The following PLCB1 variants were observed in gnomAD, a reference collection of about 807,000 sequenced individuals.
PLCB1 encodes 1-phosphatidylinositol 4,5-bisphosphate phosphodiesterase beta-1.
Under a neutral mutation model 161.8 loss-of-function variants are expected in PLCB1, and 46 were observed. The ratio of observed to expected loss-of-function variants is 0.28; its 90% CI spans 0.22 to 0.36. The LOEUF (loss-of-function observed/expected upper bound fraction) is 0.36, where lower values mean the gene tolerates loss of function less well. Among genes scored for constraint, PLCB1 ranks in the 10% least tolerant of loss-of-function variants. PLCB1 has a pLI of 1.00. For synonymous variants in PLCB1, 517 were observed against 503.7 expected (o/e 1.03, Z -0.35); for missense variants, 1,016 against 1,472.5 (o/e 0.69, Z 5.07).
At position 8,477,771 on chromosome 20, in the gene PLCB1, C is replaced by T. The variant is rs114663210; in HGVS notation, c.246+106321C>T. On this transcript the variant is annotated intron_variant, in intron 3 of 31. Transcript: ENST00000338037. ...CATGAACTAATTGTGCAAGAACTCA[C>T]TCATCACCAGGGCGATGGCGCCAAG... Among the ~76,000 whole-genome samples the T allele has an allele frequency of 8.3e-3, 1,260 of 152,312 alleles. 17 individuals carry two copies. Among genetic ancestry groups the T allele is most frequent in the African/African-American group, 0.028 (1,179 of 41,574 alleles).
intron 31 of PLCB1, among the ~76,000 whole-genome samples, chr20:8,866,303 T>C (rs1399604644): frequency 6.6e-6 from 1 of 152,230 alleles, no homozygotes; most frequent in Non-Finnish European, 1.5e-5. Flanking sequence ...TTCCCAGTGA[T>C]AGTTGCCTTG....
At chr20:8,267,991 A>C (rs1238078856) in intron 2 of PLCB1, among the ~76,000 whole-genome samples, 1 of 123,058 alleles carries the variant, frequency 8.1e-6, no homozygotes, top group Non-Finnish European at 1.8e-5. Context: ...TTATACTTTA[A>C]GTTCTAGGGT....
At chr20:8,404,542 A>T (rs974429058) in intron 3 of PLCB1, among the ~76,000 whole-genome samples, 3 of 152,230 alleles carry the variant, frequency 2.0e-5, no homozygotes, top group Non-Finnish European at 4.4e-5. Context: ...GAGAAGCAGG[A>T]TGTCAAGCTC....
intron 3 of PLCB1, among the ~76,000 whole-genome samples, chr20:8,398,510 C>A (rs902473768): frequency 3.9e-5 from 6 of 152,134 alleles, no homozygotes; most frequent in Non-Finnish European, 5.9e-5. Context: ...TGAGGGCCCA[C>A]TTCTTGGTTT....
chr20:8,189,578 CAT>C (rs2051943886), intron 2 of PLCB1, among the ~76,000 whole-genome samples: 1 of 151,928 alleles, frequency 6.6e-6, no homozygotes, highest in African/African-American at 2.4e-5. Context: ...TTTATCTAGT[CAT>C]AGAAAACACA....
At chr20:8,243,037 C>T (rs909314817) in intron 2 of PLCB1, among the ~76,000 whole-genome samples, 28 of 151,946 alleles carry the variant, frequency 1.8e-4, no homozygotes, top group South Asian at 6.2e-4. Flanking sequence ...TGCATCGTTA[C>T]GGGCATGCTA....
intron 2 of PLCB1, among the ~76,000 whole-genome samples, chr20:8,201,308 G>T (rs924610266): frequency 8.6e-5 from 13 of 151,848 alleles, no homozygotes; most frequent in Admixed American, 8.5e-4. Flanking sequence ...CTTATATTTT[G>T]AAATATTGTG....
chr20:8,287,930 G>C (rs1030285952), intron 2 of PLCB1, among the ~76,000 whole-genome samples: 1 of 152,116 alleles, frequency 6.6e-6, no homozygotes, highest in Non-Finnish European at 1.5e-5. Context: ...TGTGTTGGAC[G>C]CAGCCATTTT....
intron 2 of PLCB1, among the ~76,000 whole-genome samples, chr20:8,168,601 G>A (rs977420536): frequency 9.2e-5 from 14 of 152,130 alleles, no homozygotes; most frequent in Non-Finnish European, 1.3e-4. Context: ...AGCAGATGGT[G>A]TTTTCAGACA....
At chr20:8,818,058 G>A (rs1019251129) in intron 31 of PLCB1, among the ~76,000 whole-genome samples, 4 of 152,160 alleles carry the variant, frequency 2.6e-5, no homozygotes, top group Non-Finnish European at 5.9e-5. Context: ...GAGATCAAGA[G>A]GCACGAAGGA....
intron 3 of PLCB1, among the ~76,000 whole-genome samples, chr20:8,492,074 G>A (rs1209787750): frequency 2.6e-5 from 4 of 152,028 alleles, no homozygotes; most frequent in Non-Finnish European, 5.9e-5. Context: ...GGTTCAAGGA[G>A]TAATGGGCTA....
chr20:8,329,916 G>A lies in PLCB1; in HGVS notation c.178-41466G>A, dbSNP rs543907515. On this transcript the variant is annotated intron_variant, in intron 2 of 31. Coordinates refer to ENST00000338037, the MANE Select transcript of PLCB1 (RefSeq NM_015192.4). Reference sequence around the variant, plus strand: ...AGTAGAAATGTGTATTTCTATAGGCGTTACTTAAATGTTTGCAAAGGAGCT... The same window carrying A: ...AGTAGAAATGTGTATTTCTATAGGCATTACTTAAATGTTTGCAAAGGAGCT... 3.9e-5 allele frequency among the ~76,000 whole-genome samples: 6 copies of A among 152,246 alleles called. No individual in the cohort carries two copies. In the South Asian group the frequency reaches 8.3e-4, roughly 21 times the overall value.
chr20:8,564,594 A>G (rs1986259985), intron 3 of PLCB1, among the ~76,000 whole-genome samples: 1 of 152,144 alleles, frequency 6.6e-6, no homozygotes, highest in Non-Finnish European at 1.5e-5. Context: ...CACCTGACAA[A>G]GGGCTAATAT....
chr20:8,384,570 G>A (rs1987365618), intron 3 of PLCB1, among the ~76,000 whole-genome samples: 1 of 152,032 alleles, frequency 6.6e-6, no homozygotes, highest in South Asian at 2.1e-4. Context: ...CCTTGCTGGA[G>A]AGGCATTGAG....
At chr20:8,833,129 A>T (rs550426769) in intron 31 of PLCB1, among the ~76,000 whole-genome samples, 32 of 152,324 alleles carry the variant, frequency 2.1e-4, no homozygotes, top group African/African-American at 6.7e-4. Context: ...AAATCCAATG[A>T]TGTGTGTATT....
intron 3 of PLCB1, among the ~76,000 whole-genome samples, chr20:8,560,460 T>A (rs1161860142): frequency 4.6e-5 from 7 of 151,356 alleles, no homozygotes; most frequent in Admixed American, 4.0e-4. Flanking sequence ...GGAAAGGTTT[T>A]AAAAAAAAAT....
intron 3 of PLCB1, among the ~76,000 whole-genome samples, chr20:8,412,709 T>C (rs1979096978): frequency 6.6e-6 from 1 of 152,180 alleles, no homozygotes; most frequent in South Asian, 2.1e-4. Context: ...ATCAAGATTA[T>C]AAGATTATAA....
chr20:8,330,354 T>C (rs1985320163), intron 2 of PLCB1, among the ~76,000 whole-genome samples: 1 of 152,152 alleles, frequency 6.6e-6, no homozygotes. Flanking sequence ...CTGGTAAAGG[T>C]GAGGGTTTAA....
At chr20:8,477,048 G>A (rs999388127) in intron 3 of PLCB1, among the ~76,000 whole-genome samples, 1 of 152,070 alleles carries the variant, frequency 6.6e-6, no homozygotes, top group Non-Finnish European at 1.5e-5. Flanking sequence ...ATTACTCAGC[G>A]GGTTCCAAAG....
Sources: allele counts gnomAD v4.1 joint callset (sites outside exome capture counted in the v4.1 genomes callset), GRCh38; gene constraint gnomAD v4.1.1; transcripts MANE v1.5; gene names NCBI Gene and HGNC (gene_info 2026-07-23, HGNC 2026-07-21).